Variants in ACAD11 observed in about 807,000 individuals in gnomAD.
ACAD11 encodes acyl-CoA dehydrogenase family member 11.
In ACAD11, 83 loss-of-function variants were observed where a neutral mutation model predicts 102.2. The ratio of observed to expected loss-of-function variants is 0.81; its 90% CI spans 0.68 to 0.97. The LOEUF is 0.97. Among genes scored for constraint, ACAD11 ranks in the 50% least tolerant of loss-of-function variants. The pLI, the probability that ACAD11 is intolerant of heterozygous loss-of-function variation, is 0.00. For missense variants in ACAD11, 901 were observed against 951.7 expected, an observed-to-expected ratio of 0.95 and a Z score of 0.70; for synonymous variants, 324 against 319.8, an observed-to-expected ratio of 1.01 and a Z score of -0.14.
chr3:132,657,197 A>G (rs1444118715), intron 1 of ACAD11, among the ~76,000 whole-genome samples: 3 of 152,224 alleles, frequency 2.0e-5, no homozygotes, highest in Admixed American at 6.5e-5. Context: ...CTTCATACAG[A>G]TAACAATTAT....
rs1156877745 is a variant in ACAD11 at position 132,578,863 on chromosome 3, C to T, written c.1707G>A (p.Met569Ile). 1 of 1,612,736 alleles carries T rather than the reference C, an allele frequency of 6.2e-7. No individual in the cohort carries two copies. The stretch of plus-strand genomic sequence containing the variant: ...CAGGTGTGTTCATGGGAACAAGAAT[C>T]ATGCTGTGCTGTTTGTGTCTAGTCA... ...TSLSRHKQHS[M>I]ILVPMNTPGV... The change falls in exon 15 of 20, where the codon ATG becomes ATA. Residue 569 changes from methionine to isoleucine, a missense_variant. Transcript: ENST00000264990.
chr3:132,624,490 AGCTACTT>A (rs1451018139), intron 9 of ACAD11, among the ~76,000 whole-genome samples: 1 of 150,834 alleles, frequency 6.6e-6, no homozygotes, highest in Non-Finnish European at 1.5e-5. Flanking sequence ...CTGTAGTCCC[AGCTACTT>A]GGGAGGCTGA....
At chr3:132,590,293 G>T (rs1025983834) in intron 13 of ACAD11, among the ~76,000 whole-genome samples, 1 of 152,090 alleles carries the variant, frequency 6.6e-6, no homozygotes, top group Admixed American at 6.6e-5. Flanking sequence ...GTCTCACTCT[G>T]TTGCCAAGGC....
At chr3:132,643,722 A>G (rs1048559862) in intron 2 of ACAD11, among the ~76,000 whole-genome samples, 15 of 152,134 alleles carry the variant, frequency 9.9e-5, no homozygotes, top group African/African-American at 2.9e-4. Context: ...AGGTGTTGGG[A>G]AACGAGGGGG....
chr3:132,600,030 T>A (rs572292281), intron 13 of ACAD11, among the ~76,000 whole-genome samples: 2 of 152,348 alleles, frequency 1.3e-5, no homozygotes, highest in South Asian at 2.1e-4. Flanking sequence ...CACTATTTAT[T>A]CTTTTTAGTT....
At chr3:132,629,725 T>C (rs981707493) in intron 7 of ACAD11, among the ~76,000 whole-genome samples, 3 of 152,132 alleles carry the variant, frequency 2.0e-5, no homozygotes, top group African/African-American at 7.2e-5. Context: ...ATCCTTCTTT[T>C]CCCATTATTT....
intron 13 of ACAD11, chr3:132,600,825 A>C: frequency 1.2e-6 from 2 of 1,614,046 alleles, no homozygotes; most frequent in Non-Finnish European, 1.7e-6. Flanking sequence ...GCAGTAACTA[A>C]AGTCCCCAGC....
In ACAD11 at chr3:132,603,567, G is replaced by T. The variant is rs115040799; in HGVS notation, c.1523-240C>A. On this transcript the variant is annotated intron_variant, in intron 12 of 19. Coordinates refer to ENST00000264990, the MANE Select transcript of ACAD11 (RefSeq NM_032169.5). The stretch of plus-strand genomic sequence containing the variant: ...ATCAGTATTTTGAACTGTATTTTTG[G>T]CTTCCTCACTGATATATGATTTGGG... Among the ~76,000 whole-genome samples, 986 of 152,218 alleles carry T rather than the reference G, an allele frequency of 6.5e-3. 19 individuals carry two copies. The highest frequency in any genetic ancestry group is 0.023 in the African/African-American group (949 of 41,516).
chr3:132,652,561 C>T (rs1940965334), intron 1 of ACAD11, among the ~76,000 whole-genome samples: 1 of 151,440 alleles, frequency 6.6e-6, no homozygotes, highest in Non-Finnish European at 1.5e-5. Flanking sequence ...ATGTTAAATC[C>T]ATTTTTTTTT....
chr3:132,600,925 TAC>T (rs1938556864), intron 13 of ACAD11: 4 of 1,611,810 alleles, frequency 2.5e-6, no homozygotes, highest in Non-Finnish European at 3.4e-6. Flanking sequence ...TGGTTTTTTA[TAC>T]AGTAAATGAC....
At chr3:132,615,627 G>A (rs1168399813) in intron 11 of ACAD11, among the ~76,000 whole-genome samples, 1 of 152,122 alleles carries the variant, frequency 6.6e-6, no homozygotes, top group Non-Finnish European at 1.5e-5. Context: ...GCTGAACAAT[G>A]AAAACACATG....
At chr3:132,604,584 A>C (rs1938756639) in intron 12 of ACAD11, among the ~76,000 whole-genome samples, 1 of 152,178 alleles carries the variant, frequency 6.6e-6, no homozygotes, top group Admixed American at 6.5e-5. Context: ...AAGAGTTCTT[A>C]ATGCTTTCTA....
At chr3:132,651,211 C>T (rs1356476484) in intron 1 of ACAD11, among the ~76,000 whole-genome samples, 3 of 152,176 alleles carry the variant, frequency 2.0e-5, no homozygotes, top group Non-Finnish European at 4.4e-5. Flanking sequence ...ATTCTTCCCT[C>T]AGCTTTGAAT....
intron 17 of ACAD11, among the ~76,000 whole-genome samples, chr3:132,574,731 T>C (rs1378817087): frequency 6.6e-6 from 1 of 152,240 alleles, no homozygotes; most frequent in African/African-American, 2.4e-5. Flanking sequence ...CTTGCCTTCT[T>C]AAAACTTAGA....
chr3:132,589,918 C>T (rs369759482), intron 13 of ACAD11, among the ~76,000 whole-genome samples: 8 of 152,240 alleles, frequency 5.3e-5, no homozygotes, highest in African/African-American at 1.2e-4. Context: ...TGTTTGCGTT[C>T]GTAAGTTCTC....
In ACAD11 at chr3:132,631,437, C is replaced by A; in HGVS notation, c.745G>T (p.Gly249Cys). The A allele has an allele frequency of 6.4e-7, 1 of 1,552,342 alleles. No individual in the cohort carries two copies. The highest frequency in any genetic ancestry group is 8.7e-7 in the Non-Finnish European group (1 of 1,146,200). ...AVLDWELSTI[G>C]HPLSDLAHFS... ...TGAGCTAAGTCTGACAAAGGATGAC[C>A]AATGGTTGACAGCTCCCAATCCAGC... The change falls in exon 6 of 20, where the codon GGT becomes TGT. Residue 249 changes from glycine (G) to cysteine (C), a missense_variant. Gly to Cys is a radical substitution (Grantham distance 159, BLOSUM62 -3). Transcript: ENST00000264990.
At chr3:132,579,757 C>T (rs1414714858) in intron 13 of ACAD11, among the ~76,000 whole-genome samples, 199 bp from the exon 14 acceptor site, 1 of 151,998 alleles carries the variant, frequency 6.6e-6, no homozygotes, top group Non-Finnish European at 1.5e-5. Flanking sequence ...AAGAATGGAC[C>T]CCATCAATGA....
chr3:132,599,465 C>A (rs2107818529), intron 13 of ACAD11, among the ~76,000 whole-genome samples: 1 of 151,792 alleles, frequency 6.6e-6, no homozygotes, highest in Admixed American at 6.6e-5. Context: ...CGAGATTGTC[C>A]ACTGCATTCC....
At position 132,642,778 on chromosome 3, in the gene ACAD11, T is replaced by C; in HGVS notation, c.274A>G (p.Lys92Glu). 6.2e-7 allele frequency: 1 copy of C among 1,612,672 alleles called. No individual in the cohort carries two copies. Among genetic ancestry groups the C allele is most frequent in the Non-Finnish European group, 8.5e-7 (1 of 1,179,480 alleles). Residue 92 changes from lysine (K) to glutamate (E), a missense_variant, in exon 3 of 20, where the codon AAA becomes GAA. Lys to Glu is a moderately conservative substitution (Grantham distance 56, BLOSUM62 1). Transcript: ENST00000264990. ...GGGAATCCAATTGAAAACAAGGCTTTCTGGACTTTAAATTCTCTATCAATC... is the reference window on the plus strand; with the variant it reads ...GGGAATCCAATTGAAAACAAGGCTTCCTGGACTTTAAATTCTCTATCAATC... ...HQIDREFKVQKALFSIGFPVP... is the reference protein window; with the variant it reads ...HQIDREFKVQEALFSIGFPVP...
Sources: gnomAD v4.1 joint callset for allele counts (sites outside exome capture counted in the v4.1 genomes callset) on GRCh38, gnomAD v4.1.1 for gene constraint, MANE v1.5 for transcripts, NCBI Gene and HGNC (gene_info 2026-07-23, HGNC 2026-07-21) for gene names.